Variants in TAGLN2 observed in about 807,000 individuals in gnomAD.
TAGLN2 encodes transgelin 2, also known as transgelin-2.
A neutral mutation model predicts 24.9 loss-of-function variants in TAGLN2; 14 were observed. That is an observed-to-expected ratio of 0.56 (90% CI 0.37 to 0.88). The LOEUF is 0.88. Among genes scored for constraint, TAGLN2 ranks in the 40% least tolerant of loss-of-function variants. The pLI, the probability that TAGLN2 is intolerant of heterozygous loss-of-function variation, is 0.00. For synonymous variants in TAGLN2, 77 were observed against 98.2 expected (o/e 0.78, Z 1.28); for missense variants, 208 against 258.9 (o/e 0.80, Z 1.35).
chr1:159,918,877 C>T lies in TAGLN2; in HGVS notation c.523G>A (p.Gly175Arg), dbSNP rs1430195554. The T allele has an allele frequency of 5.6e-6, 9 of 1,614,244 alleles. No individual in the cohort carries two copies. The highest frequency in any genetic ancestry group is 5.0e-5 in the Admixed American group (3 of 60,030). ...CCGCGGTTGGTGCCCATCTGTAACC[C>T]GATCACGTTCTTGCCCTCTTGCAGC... ...NQLQEGKNVIGLQMGTNRGAS... is the reference protein window; with the variant it reads ...NQLQEGKNVIRLQMGTNRGAS... The change falls in exon 5 of 5, where the codon GGG (glycine) becomes AGG (arginine). Residue 175 changes from glycine (G) to arginine (R), a missense_variant. Gly to Arg is a moderately radical substitution (Grantham distance 125). Transcript: ENST00000368097.
intron 1 of TAGLN2, chr1:159,923,547 G>A (rs1253780304): frequency 9.7e-6 from 14 of 1,438,610 alleles, no homozygotes; most frequent in Non-Finnish European, 1.3e-5. Context: ...TCCATCCACC[G>A]TGCAGATGGA....
chr1:159,921,504 T>A (rs1278120260), intron 1 of TAGLN2, among the ~76,000 whole-genome samples: 1 of 152,146 alleles, frequency 6.6e-6, no homozygotes, highest in Non-Finnish European at 1.5e-5. Flanking sequence ...GGAACACAGC[T>A]CTGCCAACAC....
Position 159,920,591 on chromosome 1 carries a change from G to A in TAGLN2, c.-28-54C>T. On this transcript the variant is annotated intron_variant, in intron 1 of 4. Coordinates refer to ENST00000368097, the MANE Select transcript of TAGLN2 (RefSeq NM_003564.3). ...GTCAACACCTTGCAGCCTGGGGAGT[G>A]GGGAATTCAGGAATTCTGCCTGCAG... The A allele has an allele frequency of 2.3e-5, 36 of 1,560,298 alleles. No individual in the cohort carries two copies. The South Asian group carries it at 3.8e-4, about 17-fold the overall frequency.
chr1:159,919,934 C>A, intron 2 of TAGLN2, 99 bp from the exon 3 acceptor site: 1 of 1,380,942 alleles, frequency 7.2e-7, no homozygotes, highest in Non-Finnish European at 1.0e-6. Context: ...ACCAGAGAGG[C>A]TCCTGTCTTG....
Position 159,920,518 on chromosome 1 carries a change from G to C in TAGLN2, c.-9C>G. On this transcript the variant is annotated 5_prime_UTR_variant, in exon 2 of 5. Transcript: ENST00000368097. ...GGTCCCCTGTTGGCCATTCCAATGGGTGGCGGTGGCTGCGGGGAGCTAGGG... is the reference window on the plus strand; with the variant it reads ...GGTCCCCTGTTGGCCATTCCAATGGCTGGCGGTGGCTGCGGGGAGCTAGGG... The C allele has an allele frequency of 6.2e-7, 1 of 1,613,852 alleles. No individual in the cohort carries two copies. The highest frequency in any genetic ancestry group is 8.5e-7 in the Non-Finnish European group (1 of 1,179,726).
intron 1 of TAGLN2, chr1:159,923,518 T>G: frequency 2.0e-6 from 3 of 1,533,666 alleles, no homozygotes; most frequent in Non-Finnish European, 2.6e-6. Context: ...GGTGTTTAAT[T>G]GGGAAGACAA....
rs1650455666 is a variant in TAGLN2 at position 159,919,521 on chromosome 1, AC to A, written c.355+139del. Reference sequence around the variant, plus strand: ...CTTCTCCATTCCAGCCTCCAATATGACCAAGTGCTCCATGGAACACAAACAC... The same window carrying A: ...CTTCTCCATTCCAGCCTCCAATATGACAAGTGCTCCATGGAACACAAACAC... On this transcript the variant is annotated intron_variant, in intron 3 of 4. Coordinates refer to ENST00000368097, the MANE Select transcript of TAGLN2 (RefSeq NM_003564.3). The A allele has an allele frequency of 7.6e-6, 10 of 1,322,984 alleles. No homozygotes were observed. In the South Asian group the frequency reaches 1.3e-4, roughly 17 times the overall value. 82.0% of individuals were successfully genotyped at this position (1,322,984 alleles called of 1,614,324 possible).
At chr1:159,923,470 T>C (rs1156515870) in intron 1 of TAGLN2, 1 of 1,549,446 alleles carries the variant, frequency 6.5e-7, no homozygotes, top group Non-Finnish European at 8.7e-7. Flanking sequence ...AAGGCGGACA[T>C]GGGTGGGGGC....
chr1:159,921,858 A>G (rs1650541890), intron 1 of TAGLN2, among the ~76,000 whole-genome samples: 1 of 152,206 alleles, frequency 6.6e-6, no homozygotes, highest in Non-Finnish European at 1.5e-5. Context: ...CGGGCATGGT[A>G]TGGATGCCAA....
chr1:159,919,881 A>G, intron 2 of TAGLN2, 46 bp from the exon 3 acceptor site: 1 of 1,597,984 alleles, frequency 6.3e-7, no homozygotes, highest in Non-Finnish European at 8.6e-7. Flanking sequence ...ATGCCTACCT[A>G]TCGCAGCTCA....
intron 1 of TAGLN2, chr1:159,923,546 C>G: frequency 6.9e-7 from 1 of 1,444,026 alleles, no homozygotes; most frequent in Non-Finnish European, 9.4e-7. Flanking sequence ...CTCCATCCAC[C>G]GTGCAGATGG....
In TAGLN2 at chr1:159,918,711, G is replaced by A; in HGVS notation, c.*89C>T. ...TGACAGAAAGGAGCTTGAGAGCTCTGGGGCTCTCTGGGAATGTCACTGCTA... is the reference window on the plus strand; with the variant it reads ...TGACAGAAAGGAGCTTGAGAGCTCTAGGGCTCTCTGGGAATGTCACTGCTA... On this transcript the variant is annotated 3_prime_UTR_variant, in exon 5 of 5. Transcript: ENST00000368097. 6.6e-7 allele frequency: 1 copy of A among 1,521,186 alleles called. No homozygotes were observed. Among genetic ancestry groups the A allele is most frequent in the Non-Finnish European group, 8.9e-7 (1 of 1,124,598 alleles). The allele number at this position is 1,521,186 out of a possible 1,614,324, so 94.2% of individuals were successfully genotyped here. A position where few individuals can be genotyped will look rare whatever the true frequency, so the allele number is the denominator to read the frequency against.
Position 159,920,504 on chromosome 1 carries a change from G to T in TAGLN2, c.6C>A (p.Ala2=). 3.1e-6 allele frequency: 5 copies of T among 1,614,104 alleles called. No homozygotes were observed. The highest frequency in any genetic ancestry group is 4.2e-6 in the Non-Finnish European group (5 of 1,179,962). ...TCAGGCCATATGCAGGTCCCCTGTT[G>T]GCCATTCCAATGGGTGGCGGTGGCT... M[A]NRGPAYGLSR... Residue 2 remains alanine (A), a synonymous_variant, in exon 2 of 5, where the codon GCC becomes GCA. Transcript: ENST00000368097.
In TAGLN2 at chr1:159,920,338, C is replaced by T. The variant is rs1650488631; in HGVS notation, c.172G>A (p.Asp58Asn). Reference sequence around the variant, plus strand: ...TGGGGCCCGGCTCTCACCGTGCCATCCTTGAGCCAGTTCTGGAAGTTCTCG... The same window carrying T: ...TGGGGCCCGGCTCTCACCGTGCCATTCTTGAGCCAGTTCTGGAAGTTCTCG... ...GRENFQNWLK[D>N]GTVLCELINA... is the part of the protein sequence containing the mutation. Residue 58 changes from aspartate (D) to asparagine (N), a missense_variant, in exon 2 of 5, where the codon GAT (aspartate) becomes AAT (asparagine). Transcript: ENST00000368097. The T allele has an allele frequency of 6.2e-7, 1 of 1,614,264 alleles. No homozygotes were observed. The highest frequency in any genetic ancestry group is 2.2e-5 in the East Asian group (1 of 44,888).
rs769686222 is a variant in TAGLN2 at position 159,920,547 on chromosome 1, G to C, written c.-28-10C>G. 6.2e-7 allele frequency: 1 copy of C among 1,608,954 alleles called. No homozygotes were observed. The highest frequency in any genetic ancestry group is 1.7e-5 in the Admixed American group (1 of 59,802). On this transcript the variant is annotated splice_polypyrimidine_tract_variant and intron_variant, in intron 1 of 4. Transcript: ENST00000368097. ...CGGTGGCTGCGGGGAGCTAGGGAGA[G>C]GACACACCCGGGCTTTTGGTCAACA... is the stretch of plus-strand genomic sequence containing the variant.
At chr1:159,919,896 G>A (rs2252815) in intron 2 of TAGLN2, 61 bp from the exon 3 acceptor site, 765,042 of 1,564,682 alleles carry the variant, frequency 0.49, 190,077 homozygotes, top group Admixed American at 0.66. Context: ...AGCTCAGCGT[G>A]CACCACCCTC....
intron 3 of TAGLN2, 122 bp downstream of exon 3, chr1:159,919,539 C>A (rs1480812026): frequency 1.2e-5 from 16 of 1,373,664 alleles, no homozygotes; most frequent in Non-Finnish European, 1.6e-5. Flanking sequence ...CTCCATGGAA[C>A]ACAAACACAC....
intron 1 of TAGLN2, among the ~76,000 whole-genome samples, chr1:159,923,958 G>A (rs1413060736): frequency 6.6e-6 from 1 of 152,200 alleles, no homozygotes; most frequent in Non-Finnish European, 1.5e-5. Context: ...CCAGGTGCAA[G>A]AGATTATTCC....
chr1:159,921,985 G>C (rs1650546599), intron 1 of TAGLN2, among the ~76,000 whole-genome samples: 1 of 152,204 alleles, frequency 6.6e-6, no homozygotes, highest in Admixed American at 6.5e-5. Context: ...TCACGAAAGG[G>C]GACCCCCAGG....
Sources: gnomAD v4.1 joint callset for allele counts (sites outside exome capture counted in the v4.1 genomes callset) on GRCh38, gnomAD v4.1.1 for gene constraint, MANE v1.5 for transcripts, NCBI Gene and HGNC (gene_info 2026-07-23, HGNC 2026-07-21) for gene names.